Variants in EPB41L4A observed in about 807,000 individuals in gnomAD.
EPB41L4A encodes the protein band 4.1-like protein 4A.
Under a neutral mutation model 108.6 loss-of-function variants are expected in EPB41L4A, and 100 were observed. That is an observed-to-expected ratio of 0.92 (90% CI 0.78 to 1.09). EPB41L4A has a LOEUF of 1.09. Ranked by LOEUF, EPB41L4A falls within the 50% of genes least tolerant of loss-of-function variation. EPB41L4A has a pLI of 0.00. For synonymous variants in EPB41L4A, 319 were observed against 289.0 expected, an observed-to-expected ratio of 1.10 and a Z score of -1.05; for missense variants, 1,030 against 842.7, an observed-to-expected ratio of 1.22 and a Z score of -2.75.
intron 20 of EPB41L4A, chr5:112,170,035 A>T (rs2150201487): frequency 2.5e-6 from 1 of 394,872 alleles, no homozygotes; most frequent in East Asian, 5.3e-5. Flanking sequence ...TCAGAAAAGA[A>T]TTTATTTTAA....
intron 15 of EPB41L4A, among the ~76,000 whole-genome samples, chr5:112,201,429 A>G (rs1762213678): frequency 6.6e-6 from 1 of 152,250 alleles, no homozygotes; most frequent in African/African-American, 2.4e-5. Context: ...GGGAGTGTAT[A>G]TGCTGCAAAC....
chr5:112,281,632 C>T (rs530802511), intron 2 of EPB41L4A, among the ~76,000 whole-genome samples: 15 of 152,240 alleles, frequency 9.9e-5, no homozygotes, highest in Non-Finnish European at 1.9e-4. Flanking sequence ...AGGAGCTGAC[C>T]CACTTTGAGC....
upstream of EPB41L4A, chr5:112,419,517 C>T (rs527764712): frequency 5.1e-6 from 2 of 391,940 alleles, no homozygotes; most frequent in African/African-American, 2.1e-5. Context: ...TCCTGGCGTC[C>T]GATCGGCCTG....
chr5:112,327,941 T>G (rs756030181), intron 1 of EPB41L4A, among the ~76,000 whole-genome samples: 23 of 152,124 alleles, frequency 1.5e-4, no homozygotes, highest in Non-Finnish European at 2.8e-4. Context: ...ATGAATTCAT[T>G]TTGTTTCTGT....
In EPB41L4A at chr5:112,262,571, G is replaced by C. The variant is rs1329597239; in HGVS notation, c.565C>G (p.Pro189Ala). The C allele has an allele frequency of 3.7e-6, 6 of 1,613,838 alleles. No individual in the cohort carries two copies. In the African/African-American group the frequency reaches 8.0e-5, roughly 22 times the overall value. Residue 189 changes from proline (P) to alanine (A), a missense_variant, in exon 7 of 23, where the codon CCT becomes GCT. Coordinates refer to ENST00000261486, the MANE Select transcript of EPB41L4A (RefSeq NM_022140.5). ...AAGTAATTCAGCTCAGCCTCAGAAG[G>C]AATCTGACCCCTACACCCAGCACAA... is the stretch of plus-strand genomic sequence containing the variant. ...RIHKTLMGQI[P>A]SEAELNYLRT...
chr5:112,180,490 C>T (rs1761091407), intron 18 of EPB41L4A, among the ~76,000 whole-genome samples: 4 of 152,084 alleles, frequency 2.6e-5, no homozygotes, highest in Admixed American at 2.6e-4. Context: ...GGTGGTGGAA[C>T]TGGATAGACT....
At position 112,265,015 on chromosome 5, in the gene EPB41L4A, C is replaced by T. The variant is rs750745729; in HGVS notation, c.435G>A (p.Ser145=). The T allele has an allele frequency of 2.2e-5, 34 of 1,556,904 alleles. No individual in the cohort carries two copies. Among genetic ancestry groups the T allele is most frequent in the Middle Eastern group, 3.4e-4 (2 of 5,838 alleles). The part of the protein sequence containing the change: ...AAQLGAYAIQ[S]ELGDYDPYKH... ...TATATGGGTCATAATCTCCAAGCTC[C>T]GCTAAAAAAGAAAGATAACATAGTT... The change falls in exon 6 of 23, where the codon TCG becomes TCA. Residue 145 remains serine (S), a splice_region_variant and synonymous_variant. Coordinates refer to ENST00000261486, the MANE Select transcript of EPB41L4A (RefSeq NM_022140.5).
At chr5:112,142,945 G>C in exon 14 of EPB41L4A, 1 of 152,142 alleles carries the variant, frequency 6.6e-6, no homozygotes. Context: ...CCAGTGCCAA[G>C]AGTGAGCCAT....
At chr5:112,210,294 T>C (rs538218749) in intron 12 of EPB41L4A, among the ~76,000 whole-genome samples, 1 of 152,286 alleles carries the variant, frequency 6.6e-6, no homozygotes, top group South Asian at 2.1e-4. Flanking sequence ...TTCTGAGATA[T>C]TTAGTACCAT....
At chr5:112,349,971 G>A (rs984848899) in intron 1 of EPB41L4A, among the ~76,000 whole-genome samples, 2 of 152,166 alleles carry the variant, frequency 1.3e-5, no homozygotes, top group African/African-American at 2.4e-5. Flanking sequence ...CGAAGACGAC[G>A]ACAGTGTGAA....
chr5:112,357,782 G>C (rs1424165973), intron 1 of EPB41L4A, among the ~76,000 whole-genome samples: 1 of 152,152 alleles, frequency 6.6e-6, no homozygotes, highest in African/African-American at 2.4e-5. Flanking sequence ...AATAGTATAG[G>C]AACAGAGCAT....
At chr5:112,335,089 T>TG (rs1756832418) in intron 1 of EPB41L4A, among the ~76,000 whole-genome samples, 1 of 152,162 alleles carries the variant, frequency 6.6e-6, no homozygotes, top group Non-Finnish European at 1.5e-5. Context: ...CAAAGCCTCC[T>TG]GGCTTTGCAC....
Position 112,275,420 on chromosome 5 carries a change from G to T in EPB41L4A, c.257-16C>A. The stretch of plus-strand genomic sequence containing the variant: ...GGAGGTCCAGCTAAAATAAGAAATA[G>T]AAATTAAATTTCACTAAAATCATAA... On this transcript the variant is annotated splice_polypyrimidine_tract_variant and intron_variant, in intron 3 of 22. Coordinates refer to ENST00000261486, the MANE Select transcript of EPB41L4A (RefSeq NM_022140.5). 2 of 1,519,410 alleles carry T rather than the reference G, an allele frequency of 1.3e-6. No homozygotes were observed. Among genetic ancestry groups the T allele is most frequent in the East Asian group, 2.5e-5 (1 of 40,482 alleles). 94.1% of individuals were successfully genotyped at this position (1,519,410 alleles called of 1,614,324 possible). A position where few individuals can be genotyped will look rare whatever the true frequency, so the allele number is the denominator to read the frequency against.
At position 112,147,512 on chromosome 5, in the gene EPB41L4A, T is replaced by G. The variant is rs561283964; in HGVS notation, n.995-1514A>C. ...AAAATTAGCCGGGTGTGGTGGCATGTGCCTGTGGTCTCAGCTACTTGGGAG... is the reference window on the plus strand; with the variant it reads ...AAAATTAGCCGGGTGTGGTGGCATGGGCCTGTGGTCTCAGCTACTTGGGAG... On this transcript the variant is annotated intron_variant and non_coding_transcript_variant, in intron 12 of 13. Transcript: ENST00000507810. Among the ~76,000 whole-genome samples the G allele has an allele frequency of 4.2e-3, 645 of 151,784 alleles. 3 individuals carry two copies. Among genetic ancestry groups the G allele is most frequent in the Middle Eastern group, 0.02 (6 of 294 alleles).
At chr5:112,251,606 A>C (rs569462310) in intron 9 of EPB41L4A, among the ~76,000 whole-genome samples, 45 of 152,342 alleles carry the variant, frequency 3.0e-4, no homozygotes, top group African/African-American at 1.1e-3. Flanking sequence ...AAAGAAACAC[A>C]GGGAGGATTA....
At chr5:112,272,248 C>G (rs193137609) in intron 4 of EPB41L4A, among the ~76,000 whole-genome samples, 113 of 151,074 alleles carry the variant, frequency 7.5e-4, no homozygotes, top group African/African-American at 2.7e-3. Context: ...GATTCTCCTG[C>G]CTCAGCCTCC....
chr5:112,147,326 G>T (rs1205063251), intron 12 of EPB41L4A, among the ~76,000 whole-genome samples: 3 of 152,110 alleles, frequency 2.0e-5, no homozygotes, highest in Admixed American at 6.5e-5. Flanking sequence ...ATTTTTATGT[G>T]AACACATTTA....
chr5:112,353,949 G>C (rs561401188), intron 1 of EPB41L4A, among the ~76,000 whole-genome samples: 1 of 152,176 alleles, frequency 6.6e-6, no homozygotes, highest in Non-Finnish European at 1.5e-5. Flanking sequence ...TGATGTACAC[G>C]GCAGCAGGCT....
chr5:112,300,322 C>G (rs1754271569), intron 2 of EPB41L4A, among the ~76,000 whole-genome samples: 1 of 152,150 alleles, frequency 6.6e-6, no homozygotes, highest in African/African-American at 2.4e-5. Flanking sequence ...CTCCTTTTAG[C>G]AGTTCTTATA....
Sources: gnomAD v4.1 joint callset for allele counts (sites outside exome capture counted in the v4.1 genomes callset) on GRCh38, gnomAD v4.1.1 for gene constraint, MANE v1.5 for transcripts, NCBI Gene and HGNC (gene_info 2026-07-23, HGNC 2026-07-21) for gene names.